Variants in ATP2B3 observed in about 807,000 individuals in gnomAD.
ATP2B3 encodes ATPase plasma membrane Ca2+ transporting 3, also known as plasma membrane calcium-transporting ATPase 3.
In ATP2B3, 12 loss-of-function variants were observed where a neutral mutation model predicts 70.8. That is an observed-to-expected ratio of 0.17 (90% CI 0.11 to 0.27). The LOEUF (loss-of-function observed/expected upper bound fraction) is 0.27. Ranked by LOEUF, ATP2B3 falls within the 10% of genes least tolerant of loss-of-function variation. The probability of loss-of-function intolerance (pLI) is 1.00; values close to 1 mark genes in which losing one functional copy is unlikely to be tolerated. For synonymous variants in ATP2B3, 460 were observed against 497.8 expected, an observed-to-expected ratio of 0.92 and a Z score of 1.01; for missense variants, 858 against 1,118.5, an observed-to-expected ratio of 0.77 and a Z score of 3.32.
chrX:153,548,637 C>A lies in ATP2B3; in HGVS notation c.1124-3C>A. On this transcript the variant is annotated splice_region_variant and splice_polypyrimidine_tract_variant and intron_variant, in intron 9 of 21. Transcript: ENST00000263519. The stretch of plus-strand genomic sequence containing the variant: ...CTTTCGTCTCCTCCCCGCTCTGTGG[C>A]AGGGCTGGTGATGTCTGCCATCACC... 1 of 1,207,428 alleles carries A rather than the reference C, an allele frequency of 8.3e-7. No individual in the cohort carries two copies.
intron 5 of ATP2B3, 37 bp from the exon 6 acceptor site, chrX:153,542,286 C>A: frequency 8.3e-7 from 1 of 1,207,269 alleles, no homozygotes; most frequent in Non-Finnish European, 1.1e-6. Context: ...CGGGAGGAGG[C>A]GGTGGGGAGA....
At chrX:153,572,718 C>T in intron 21 of ATP2B3, among the ~76,000 whole-genome samples, 1 of 111,675 alleles carries the variant, frequency 9.0e-6, no homozygotes, top group Non-Finnish European at 1.9e-5. Flanking sequence ...CTCCCCTGCC[C>T]AGCCTGGTGA....
chrX:153,574,756 C>T (rs782111368), intron 21 of ATP2B3: 13 of 329,059 alleles, frequency 4.0e-5, no homozygotes, highest in South Asian at 2.4e-4. Context: ...AACTCCAGCA[C>T]TTGAAGGCTA....
intron 7 of ATP2B3, among the ~76,000 whole-genome samples, chrX:153,543,517 CCG>C (rs2090319001): frequency 8.9e-6 from 1 of 112,670 alleles, no homozygotes; most frequent in Non-Finnish European, 1.9e-5. Flanking sequence ...CAGTAAGGTG[CCG>C]AGGATCCCAG....
At chrX:153,528,683 C>T (rs2090069852) in intron 2 of ATP2B3, among the ~76,000 whole-genome samples, 1 of 112,181 alleles carries the variant, frequency 8.9e-6, no homozygotes. Flanking sequence ...AGCGCAACAG[C>T]TACTTAGCCC....
chrX:153,533,346 T>G (rs1557002643), intron 2 of ATP2B3: 1 of 111,994 alleles, frequency 8.9e-6, no homozygotes, highest in East Asian at 2.8e-4. Flanking sequence ...ATGTTCCACT[T>G]GAATTGTGAC....
At chrX:153,542,497 C>T (rs782736428) in intron 6 of ATP2B3, 49 bp downstream of exon 6, 6 of 1,192,650 alleles carry the variant, frequency 5.0e-6, no homozygotes, top group East Asian at 6.0e-5. Flanking sequence ...CGTCAGCAGC[C>T]GTGTGGCCCA....
At chrX:153,544,763 T>A (rs958814148) in intron 7 of ATP2B3, among the ~76,000 whole-genome samples, 29 of 112,438 alleles carry the variant, frequency 2.6e-4, no homozygotes, top group African/African-American at 9.4e-4. Flanking sequence ...TCTCCAAGTG[T>A]GCTTCTCCTC....
chrX:153,552,506 G>A (rs1190907492), intron 12 of ATP2B3, among the ~76,000 whole-genome samples: 2 of 111,993 alleles, frequency 1.8e-5, no homozygotes, highest in Non-Finnish European at 3.8e-5. Flanking sequence ...GGAGTCATGA[G>A]CGCTCTACTG....
At chrX:153,556,662 C>T (rs1342392071) in intron 15 of ATP2B3, among the ~76,000 whole-genome samples, 2 of 112,342 alleles carry the variant, frequency 1.8e-5, no homozygotes, top group Non-Finnish European at 3.8e-5. Context: ...GCCAGGGACC[C>T]AGGATTGTGT....
At chrX:153,576,601 G>T (rs186386071) in intron 21 of ATP2B3, among the ~76,000 whole-genome samples, 33 of 112,376 alleles carry the variant, frequency 2.9e-4, no homozygotes, top group Admixed American at 2.5e-3. Context: ...GGTGGACATG[G>T]TGCAGCTGGT....
intron 2 of ATP2B3, among the ~76,000 whole-genome samples, chrX:153,529,903 T>C (rs1460718425): frequency 1.2e-4 from 14 of 112,751 alleles, no homozygotes; most frequent in Non-Finnish European, 2.6e-4. Context: ...ATGGCCTTAC[T>C]TTGTAAGGCT....
intron 2 of ATP2B3, among the ~76,000 whole-genome samples, chrX:153,524,467 T>G (rs1334431780): frequency 1.8e-5 from 2 of 111,768 alleles, no homozygotes; most frequent in African/African-American, 6.5e-5. Flanking sequence ...CAATAAAACT[T>G]TATTCACAAG....
intron 2 of ATP2B3, among the ~76,000 whole-genome samples, chrX:153,533,967 G>A (rs1366988738): frequency 8.9e-6 from 1 of 112,028 alleles, no homozygotes; most frequent in East Asian, 2.8e-4. Flanking sequence ...GTGCCACGAG[G>A]AACCCCTGCT....
rs782616772 is a variant in ATP2B3 at position 153,540,743 on chromosome X, G to C, written c.209-616G>C. Reference sequence around the variant, plus strand: ...GGTGTTGGTGACAAGCCTGCTCAGGGAATTCATAGGCTGGGAGCTAGAGAG... The same window carrying C: ...GGTGTTGGTGACAAGCCTGCTCAGGCAATTCATAGGCTGGGAGCTAGAGAG... On this transcript the variant is annotated intron_variant, in intron 3 of 21. Coordinates refer to ENST00000263519, the MANE Select transcript of ATP2B3 (RefSeq NM_001001344.3). Among the ~76,000 whole-genome samples the C allele has an allele frequency of 5.3e-5, 6 of 112,481 alleles. No homozygotes were observed. In the South Asian group the frequency reaches 2.2e-3, roughly 41 times the overall value.
chrX:153,572,608 A>AG (rs1557020207), intron 21 of ATP2B3, among the ~76,000 whole-genome samples: 35 of 53,887 alleles, frequency 6.5e-4, no homozygotes, highest in Non-Finnish European at 2.7e-4. Context: ...TTCTGGACTC[A>AG]GGAGTCCCAA....
At chrX:153,539,712 C>A (rs782000036) in intron 3 of ATP2B3, among the ~76,000 whole-genome samples, 1 of 113,007 alleles carries the variant, frequency 8.8e-6, no homozygotes, top group East Asian at 2.8e-4. Flanking sequence ...CACTGGGCGC[C>A]GGGTGAGCGC....
chrX:153,553,293 C>A (rs782272169), intron 13 of ATP2B3, 24 bp downstream of exon 13: 3 of 1,173,970 alleles, frequency 2.6e-6, no homozygotes, highest in Admixed American at 2.2e-5. Context: ...TCTCTGTGAG[C>A]TGCCCTGGTA....
In ATP2B3 at chrX:153,580,333, C is replaced by T. The variant is rs1557022621; in HGVS notation, c.*35C>T. ...GTCTCAGCACATGCGCACACGCACA[C>T]TCGGACTCACACGAAGTCACACGCA... On this transcript the variant is annotated 3_prime_UTR_variant, in exon 22 of 22. Coordinates refer to ENST00000263519, the MANE Select transcript of ATP2B3 (RefSeq NM_001001344.3). The T allele has an allele frequency of 8.7e-7, 1 of 1,154,337 alleles. No homozygotes were observed. Among genetic ancestry groups the T allele is most frequent in the Admixed American group, 2.3e-5 (1 of 44,382 alleles).
Sources: allele counts gnomAD v4.1 joint callset (sites outside exome capture counted in the v4.1 genomes callset), GRCh38; gene constraint gnomAD v4.1.1; transcripts MANE v1.5; gene names NCBI Gene and HGNC (gene_info 2026-07-23, HGNC 2026-07-21).